The following ELP4 variants were observed in gnomAD, a reference collection of about 807,000 sequenced individuals.
The protein encoded by ELP4 is elongator complex protein 4.
ELP4 carries 51 observed loss-of-function variants against 48.9 expected under a neutral mutation model. The observed-to-expected ratio is 1.04, with a 90% confidence interval of 0.83 to 1.32. The LOEUF (loss-of-function observed/expected upper bound fraction) is 1.32. Ranked by LOEUF, ELP4 falls within the 40% of genes most tolerant of loss-of-function variation. The pLI, the probability that ELP4 is intolerant of heterozygous loss-of-function variation, is 0.00. For synonymous variants in ELP4, 210 were observed against 189.2 expected, an observed-to-expected ratio of 1.11 and a Z score of -0.90; for missense variants, 519 against 514.6, an observed-to-expected ratio of 1.01 and a Z score of -0.08.
chr11:31,767,037 CA>C (rs1411032177), intron 9 of ELP4, among the ~76,000 whole-genome samples: 13 of 152,070 alleles, frequency 8.5e-5, no homozygotes, highest in Non-Finnish European at 1.6e-4. Context: ...CTGAGTATCT[CA>C]AGAAATTCTT....
intron 3 of ELP4, among the ~76,000 whole-genome samples, chr11:31,546,728 G>C (rs948076426): frequency 5.3e-5 from 8 of 151,200 alleles, no homozygotes; most frequent in Admixed American, 2.0e-4. Flanking sequence ...TGACCACATA[G>C]TTGGAAGTAA....
chr11:31,749,392 G>A (rs1364682226), intron 9 of ELP4, among the ~76,000 whole-genome samples: 1 of 152,144 alleles, frequency 6.6e-6, no homozygotes, highest in East Asian at 1.9e-4. Context: ...AGAGAGTACG[G>A]AAAAACTGAT....
At chr11:31,528,868 GA>G (rs1338001318) in intron 2 of ELP4, among the ~76,000 whole-genome samples, 1 of 152,078 alleles carries the variant, frequency 6.6e-6, no homozygotes, top group African/African-American at 2.4e-5. Context: ...TTAGGCTAGA[GA>G]AAAAGATTTA....
intron 5 of ELP4, among the ~76,000 whole-genome samples, chr11:31,614,491 A>G (rs1014119654): frequency 1.1e-4 from 16 of 152,344 alleles, no homozygotes; most frequent in African/African-American, 3.4e-4. Flanking sequence ...GTACATACTG[A>G]TATAAATAAA....
At chr11:31,716,829 T>A (rs1946850624) in intron 9 of ELP4, among the ~76,000 whole-genome samples, 1 of 152,136 alleles carries the variant, frequency 6.6e-6, no homozygotes, top group Admixed American at 6.5e-5. Context: ...GAAATAGAGA[T>A]TAATTAAGTG....
At chr11:31,518,573 C>T (rs1388413876) in intron 1 of ELP4, among the ~76,000 whole-genome samples, 1 of 148,394 alleles carries the variant, frequency 6.7e-6, no homozygotes, top group Non-Finnish European at 1.5e-5. Context: ...TCTCAACTCA[C>T]GGCAATCTTG....
chr11:31,728,603 T>G (rs1023880777), intron 9 of ELP4, among the ~76,000 whole-genome samples: 14 of 152,204 alleles, frequency 9.2e-5, no homozygotes, highest in African/African-American at 3.1e-4. Flanking sequence ...AAGCTCTAAG[T>G]CTTTGCAGCA....
chr11:31,630,227 CTTTT>C (rs11441798), intron 6 of ELP4, among the ~76,000 whole-genome samples: 4 of 128,460 alleles, frequency 3.1e-5, no homozygotes, highest in Admixed American at 8.0e-5. Flanking sequence ...TTCTAAAATC[CTTTT>C]TTTTTTTTTT....
chr11:31,584,820 C>T (rs997265828), intron 3 of ELP4, among the ~76,000 whole-genome samples: 3 of 152,086 alleles, frequency 2.0e-5, no homozygotes, highest in East Asian at 1.9e-4. Flanking sequence ...CCACCACGCC[C>T]GGCCAATTCG....
intron 2 of ELP4, among the ~76,000 whole-genome samples, chr11:31,530,384 G>A (rs180751889): frequency 1.1e-4 from 16 of 152,190 alleles, no homozygotes; most frequent in Middle Eastern, 6.8e-3. Context: ...AACTGTTTAC[G>A]TACACAAAGA....
intron 5 of ELP4, among the ~76,000 whole-genome samples, chr11:31,617,550 G>A (rs1944516121): frequency 6.6e-6 from 1 of 151,870 alleles, no homozygotes; most frequent in African/African-American, 2.4e-5. Context: ...CTCAAAAGTG[G>A]TTAAGATAGT....
At chr11:31,600,829 G>A (rs1395997708) in intron 4 of ELP4, among the ~76,000 whole-genome samples, 1 of 152,044 alleles carries the variant, frequency 6.6e-6, no homozygotes, top group East Asian at 1.9e-4. Context: ...GATTTTCTTG[G>A]TGCAGCTTTT....
At chr11:31,661,208 A>G (rs766087327) in intron 9 of ELP4, among the ~76,000 whole-genome samples, 19 of 152,178 alleles carry the variant, frequency 1.2e-4, no homozygotes, top group Non-Finnish European at 2.6e-4. Flanking sequence ...ATGTCAAACA[A>G]TACCTTCTAG....
chr11:31,630,084 A>G (rs1215271718), intron 6 of ELP4, among the ~76,000 whole-genome samples: 2 of 151,434 alleles, frequency 1.3e-5, no homozygotes, highest in Non-Finnish European at 1.5e-5. Context: ...ATTGAGGATG[A>G]TAACATAGGG....
At position 31,520,043 on chromosome 11, in the gene ELP4, G is replaced by A. The variant is rs1387579849; in HGVS notation, c.224-13G>A. ...GGTAAATTAATTTTCTTCTGGTTTT[G>A]TTTCATTTCCAGGTGGAGGTTTAGC... On this transcript the variant is annotated splice_polypyrimidine_tract_variant and intron_variant, in intron 1 of 9. Transcript: ENST00000640961. The A allele has an allele frequency of 1.2e-6, 2 of 1,611,836 alleles. No homozygotes were observed. Among genetic ancestry groups the A allele is most frequent in the South Asian group, 2.2e-5 (2 of 90,674 alleles).
At chr11:31,696,891 T>A (rs933492470) in intron 9 of ELP4, among the ~76,000 whole-genome samples, 67 of 151,996 alleles carry the variant, frequency 4.4e-4, no homozygotes, top group African/African-American at 1.6e-3. Context: ...TCAAGACCCA[T>A]CAGTGTGCCA....
chr11:31,550,415 C>T lies in ELP4; in HGVS notation c.381+10632C>T, dbSNP rs74332158. 6.9e-3 allele frequency among the ~76,000 whole-genome samples: 1,053 copies of T among 152,158 alleles called. 8 individuals are homozygous for T. The highest frequency in any genetic ancestry group is 0.034 in the Middle Eastern group (10 of 294). On this transcript the variant is annotated intron_variant, in intron 3 of 9. Transcript: ENST00000640961. ...AGTTTGTGGAAAAATGGAATTAAAA[C>T]ATAAAACCATAAACATTATTTCAAA...
chr11:31,728,369 A>G (rs1289083227), intron 9 of ELP4, among the ~76,000 whole-genome samples: 1 of 152,204 alleles, frequency 6.6e-6, no homozygotes, highest in African/African-American at 2.4e-5. Flanking sequence ...AACTTGGTAG[A>G]CATTTATGCT....
rs538540926 is a variant in ELP4, at chr11:31,773,484, G to A, written c.1144-9909G>A. Reference sequence around the variant, plus strand: ...GGAGGTATTAATTGAACACATGTATGGGGCTGCACTCTTGGGGTTAGTAAA... The same window carrying A: ...GGAGGTATTAATTGAACACATGTATAGGGCTGCACTCTTGGGGTTAGTAAA... On this transcript the variant is annotated intron_variant, in intron 9 of 9. Coordinates refer to ENST00000640961, the MANE Select transcript of ELP4 (RefSeq NM_019040.5). 1.1e-3 allele frequency among the ~76,000 whole-genome samples: 167 copies of A among 152,306 alleles called. 3 individuals are homozygous for A. The South Asian group carries it at 0.033, about 30-fold the overall frequency.
Sources: gnomAD v4.1 joint callset for allele counts (sites outside exome capture counted in the v4.1 genomes callset) on GRCh38, gnomAD v4.1.1 for gene constraint, MANE v1.5 for transcripts, NCBI Gene and HGNC (gene_info 2026-07-23, HGNC 2026-07-21) for gene names.